The following SPRY3 variants were observed in gnomAD, a reference collection of about 807,000 sequenced individuals.
SPRY3 encodes protein sprouty homolog 3.
Under a neutral mutation model 20.2 loss-of-function variants are expected in SPRY3, and 15 were observed. The observed-to-expected ratio is 0.74, with a 90% CI of 0.50 to 1.14. The LOEUF is 1.14. SPRY3 is among the 50% of genes most tolerant of loss of function. SPRY3 has a pLI of 0.00. For missense variants in SPRY3, 364 were observed against 363.9 expected (o/e 1.00, Z 0.00); for synonymous variants, 143 against 136.5 (o/e 1.05, Z -0.33).
intron 2 of SPRY3, among the ~76,000 whole-genome samples, chrX:155,682,400 T>C (rs1295926282): frequency 8.8e-6 from 1 of 113,041 alleles, no homozygotes; most frequent in Non-Finnish European, 1.9e-5. Flanking sequence ...AATATTAATG[T>C]TGTTTTCATG....
At chrX:155,781,327 G>C (rs186586627), downstream of SPRY3, 14 of 167,128 alleles carry the variant, frequency 8.4e-5, no homozygotes, top group East Asian at 2.7e-3. Flanking sequence ...AGTCAAAGTG[G>C]TGTTGTAGAA....
intron 2 of SPRY3, chrX:155,767,744 A>AGGAGGAGGAGAGAGAGGT: frequency 5.9e-5 from 8 of 136,676 alleles, no homozygotes; most frequent in Non-Finnish European, 9.4e-5. Context: ...GAGAGAGAGG[A>AGGAGGAGGAGAGAGAGGT]GGAGGAGGAG....
exon 4 of SPRY3, chrX:155,774,323 G>A: frequency 6.2e-7 from 1 of 1,614,016 alleles, no homozygotes; most frequent in Non-Finnish European, 8.5e-7. Context: ...GAGGAATGTG[G>A]GCGCTGCAAG....
intron 2 of SPRY3, among the ~76,000 whole-genome samples, chrX:155,727,950 G>A (rs746819351): frequency 6.6e-6 from 1 of 152,192 alleles, no homozygotes; most frequent in African/African-American, 2.4e-5. Flanking sequence ...ATCTACCTTT[G>A]GTCTTTGATG....
At chrX:155,729,693 GA>G (rs2091120976) in intron 2 of SPRY3, among the ~76,000 whole-genome samples, 1 of 149,530 alleles carries the variant, frequency 6.7e-6, no homozygotes, top group Non-Finnish European at 1.5e-5. Flanking sequence ...AGTTAGTAGA[GA>G]AAATAAAGAT....
At chrX:155,639,583 T>G (rs1401701386) in intron 1 of SPRY3, among the ~76,000 whole-genome samples, 1 of 112,559 alleles carries the variant, frequency 8.9e-6, no homozygotes, top group Non-Finnish European at 1.9e-5. Context: ...TATTCTGCTG[T>G]ATGTATACAC....
intron 2 of SPRY3, among the ~76,000 whole-genome samples, chrX:155,722,126 A>G (rs932011981): frequency 2.0e-5 from 3 of 152,242 alleles, no homozygotes; most frequent in Non-Finnish European, 1.5e-5. Context: ...GTTCATTTAT[A>G]CAATAGTGTT....
At chrX:155,741,520 A>G (rs1301301194) in intron 2 of SPRY3, among the ~76,000 whole-genome samples, 1 of 152,076 alleles carries the variant, frequency 6.6e-6, no homozygotes, top group Non-Finnish European at 1.5e-5. Flanking sequence ...AAGATGCTCC[A>G]TGAGAAGATC....
At chrX:155,665,243 G>T (rs2068021134) in intron 2 of SPRY3, among the ~76,000 whole-genome samples, 1 of 110,780 alleles carries the variant, frequency 9.0e-6, no homozygotes, top group African/African-American at 3.3e-5. Flanking sequence ...TGGGAGAAAT[G>T]AGGAGAAATA....
chrX:155,689,449 G>A (rs2068097331), intron 2 of SPRY3, among the ~76,000 whole-genome samples: 1 of 86,741 alleles, frequency 1.2e-5, no homozygotes, highest in Non-Finnish European at 2.1e-5. Flanking sequence ...CTTTGTACAT[G>A]TGATAGAATT....
chrX:155,667,185 AAGGAC>A (rs2068027094), intron 2 of SPRY3, among the ~76,000 whole-genome samples: 2 of 111,489 alleles, frequency 1.8e-5, no homozygotes, highest in African/African-American at 6.5e-5. Flanking sequence ...AAAACAAAGT[AAGGAC>A]AATTCTTTTG....
chrX:155,725,471 C>A (rs1018520747), intron 2 of SPRY3, among the ~76,000 whole-genome samples: 2 of 151,954 alleles, frequency 1.3e-5, no homozygotes, highest in Non-Finnish European at 2.9e-5. Context: ...GGTTGGTGGG[C>A]TATTAATTAT....
intron 2 of SPRY3, among the ~76,000 whole-genome samples, chrX:155,751,963 TAAAATAAAATAAAATA>T (rs1440947569): frequency 1.5e-5 from 2 of 133,516 alleles, no homozygotes; most frequent in African/African-American, 2.9e-5. Context: ...TAAAATAAAA[TAAAATAAAATAAAATA>T]AAATAAAGGA....
chrX:155,716,776 G>A (rs141961034), intron 2 of SPRY3, among the ~76,000 whole-genome samples: 3,594 of 150,998 alleles, frequency 0.024, 122 homozygotes, highest in African/African-American at 0.081. Flanking sequence ...CAAATGATTC[G>A]ACAAAATATG....
chrX:155,762,609 A>G (rs2091308922), intron 2 of SPRY3, among the ~76,000 whole-genome samples: 2 of 152,158 alleles, frequency 1.3e-5, no homozygotes, highest in Admixed American at 6.5e-5. Context: ...AAGAGAAATC[A>G]GGATGAGCAG....
At chrX:155,689,718 T>C (rs1188174777) in intron 2 of SPRY3, among the ~76,000 whole-genome samples, 1 of 86,358 alleles carries the variant, frequency 1.2e-5, no homozygotes, top group Non-Finnish European at 2.1e-5. Flanking sequence ...TTTTTTTCTT[T>C]CTTAGTCTAG....
intron 2 of SPRY3, among the ~76,000 whole-genome samples, chrX:155,692,103 GAGAGTAGAATGATGGTTACC>G: frequency 9.1e-6 from 1 of 110,109 alleles, no homozygotes; most frequent in African/African-American, 3.3e-5. Flanking sequence ...CGTGGAGATA[GAGAGTAGAATGATGGTTACC>G]AGAGACTGGT....
chrX:155,722,243 C>G (rs2091064322), intron 2 of SPRY3, among the ~76,000 whole-genome samples: 1 of 152,054 alleles, frequency 6.6e-6, no homozygotes, highest in Non-Finnish European at 1.5e-5. Flanking sequence ...AAAAGCATGG[C>G]CAGGCACAGT....
intron 2 of SPRY3, among the ~76,000 whole-genome samples, chrX:155,729,220 A>T (rs2091117866): frequency 1.3e-5 from 2 of 152,188 alleles, no homozygotes; most frequent in African/African-American, 4.8e-5. Context: ...AATATAATAG[A>T]TATTTACAGA....
Sources: allele counts gnomAD v4.1 joint callset (sites outside exome capture counted in the v4.1 genomes callset), GRCh38; gene constraint gnomAD v4.1.1; transcripts MANE v1.5; gene names NCBI Gene and HGNC (gene_info 2026-07-23, HGNC 2026-07-21).